RB1: variants seen among roughly 807,000 people sequenced by gnomAD.
The protein encoded by RB1 is RB transcriptional corepressor 1.
A neutral mutation model predicts 135.4 loss-of-function variants in RB1; 18 were observed. The observed-to-expected ratio is 0.13, with a 90% CI of 0.09 to 0.20. RB1 has a LOEUF of 0.20. Ranked by LOEUF, RB1 falls within the 10% of genes least tolerant of loss-of-function variation. RB1 has a pLI of 1.00. For synonymous variants in RB1, 365 were observed against 373.2 expected, an observed-to-expected ratio of 0.98 and a Z score of 0.25; for missense variants, 868 against 1,110.0, an observed-to-expected ratio of 0.78 and a Z score of 3.10.
chr13:48,395,663 G>A (rs1203175463), intron 17 of RB1, among the ~76,000 whole-genome samples: 6 of 152,128 alleles, frequency 3.9e-5, no homozygotes, highest in Middle Eastern at 3.4e-3. Context: ...GAAATAAAGC[G>A]TGATGACAAG....
intron 5 of RB1, among the ~76,000 whole-genome samples, chr13:48,348,179 A>G (rs1160907870): frequency 6.6e-6 from 1 of 151,998 alleles, no homozygotes; most frequent in Non-Finnish European, 1.5e-5. Context: ...CAGGCACTTT[A>G]TTAACTAATA....
At chr13:48,446,935 T>A (rs1005384841) in intron 17 of RB1, among the ~76,000 whole-genome samples, 1 of 152,162 alleles carries the variant, frequency 6.6e-6, no homozygotes, top group Non-Finnish European at 1.5e-5. Context: ...GAGTAACATA[T>A]TAGCTCTATG....
intron 13 of RB1, among the ~76,000 whole-genome samples, chr13:48,378,268 G>A (rs117959490): frequency 2.0e-4 from 31 of 152,102 alleles, no homozygotes; most frequent in Non-Finnish European, 4.4e-4. Flanking sequence ...ATAACACTTA[G>A]CTTAAAACAC....
intron 23 of RB1, among the ~76,000 whole-genome samples, chr13:48,466,061 T>C (rs1489318917): frequency 6.0e-5 from 9 of 151,036 alleles, no homozygotes; most frequent in Non-Finnish European, 1.3e-4. Flanking sequence ...CCACCACAGG[T>C]CAAGGAGGCC....
chr13:48,369,870 A>G (rs1185716674), intron 11 of RB1, among the ~76,000 whole-genome samples: 2 of 152,060 alleles, frequency 1.3e-5, no homozygotes, highest in Non-Finnish European at 2.9e-5. Context: ...TGATAGATTC[A>G]TTTGTGTTTG....
intron 12 of RB1, among the ~76,000 whole-genome samples, chr13:48,376,331 T>C (rs1447754660): frequency 6.6e-6 from 1 of 151,976 alleles, no homozygotes; most frequent in Non-Finnish European, 1.5e-5. Context: ...CAAAACCCCA[T>C]CTCTACTAAA....
chr13:48,333,293 A>T (rs1282322462), intron 2 of RB1: 2 of 372,076 alleles, frequency 5.4e-6, no homozygotes, highest in African/African-American at 4.2e-5. Flanking sequence ...GTTAATCCAT[A>T]TAATTGGATC....
At position 48,320,494 on chromosome 13, in the gene RB1, C is replaced by G. The variant is rs547345235; in HGVS notation, c.264+13088C>G. 20 of 679,564 alleles carry G rather than the reference C, an allele frequency of 2.9e-5. No homozygotes were observed. The South Asian group carries it at 3.4e-4, about 12-fold the overall frequency. The allele number at this position is 679,564 out of a possible 1,614,324, so 42.1% of individuals were successfully genotyped here. ...AAACATTCTAGCAGAAGGGGAGGGA[C>G]GCGCAGAGGGACGACGCTTTATTTC... On this transcript the variant is annotated intron_variant, in intron 2 of 26. Transcript: ENST00000267163.
intron 8 of RB1, 85 bp downstream of exon 8, chr13:48,363,042 T>C: frequency 6.6e-7 from 1 of 1,516,148 alleles, no homozygotes; most frequent in Non-Finnish European, 9.0e-7. Context: ...TCTTTTGTTA[T>C]GAGCATGTTT....
intron 5 of RB1, 83 bp from the exon 6 acceptor site, chr13:48,348,873 A>G (rs1204894112): frequency 4.0e-6 from 6 of 1,501,868 alleles, no homozygotes; most frequent in Non-Finnish European, 5.4e-6. Flanking sequence ...CACAAAAAGA[A>G]ACACCCAAAA....
At position 48,319,041 on chromosome 13, in the gene RB1, G is replaced by A. The variant is rs545322326; in HGVS notation, c.264+11635G>A. On this transcript the variant is annotated intron_variant, in intron 2 of 26. Transcript: ENST00000267163. This position sits in a 1 kb window ranked among gnomAD's most constrained non-coding sequence, Gnocchi z 5.0. ...GAAATGCCCAAGATTGCTTCCGCGC[G>A]CGTCAGTTCAGCGGACGTGTCTGCC... 7.8e-6 allele frequency: 5 copies of A among 644,310 alleles called. No individual in the cohort carries two copies. The highest frequency in any genetic ancestry group is 1.4e-5 in the Non-Finnish European group (5 of 348,424). The allele number at this position is 644,310 out of a possible 1,614,324, so 39.9% of individuals were successfully genotyped here. A position where few individuals can be genotyped will look rare whatever the true frequency, so the allele number is the denominator to read the frequency against.
chr13:48,477,385 G>T lies in RB1; in HGVS notation c.2694G>T (p.Gln898His), dbSNP rs757275103. Reference sequence around the variant, plus strand: ...ATCTCCCAGGAGAGTCCAAATTTCAGCAGAAACTGGCAGAAATGAGTAAGT... The same window carrying T: ...ATCTCCCAGGAGAGTCCAAATTTCATCAGAAACTGGCAGAAATGAGTAAGT... ...SKHLPGESKF[Q>H]QKLAEMTSTR... Residue 898 changes from glutamine (Q) to histidine (H), a missense_variant, in exon 26 of 27, where the codon CAG becomes CAT. This residue lies in a region of RB1 where 196 missense variants were observed against 239.8 expected (regional missense o/e 0.82). Transcript: ENST00000267163. 4.4e-6 allele frequency: 7 copies of T among 1,608,370 alleles called. No homozygotes were observed. In the South Asian group the frequency reaches 7.7e-5, roughly 18 times the overall value.
chr13:48,317,225 G>A (rs955167360), intron 2 of RB1: 34 of 425,166 alleles, frequency 8.0e-5, no homozygotes, highest in Non-Finnish European at 1.3e-4. Flanking sequence ...GCCCCCCTGG[G>A]AGACACCCTT....
Position 48,319,173 on chromosome 13 carries a change from C to T in RB1, c.264+11767C>T. Reference sequence around the variant, plus strand: ...TGGGGAATGGTCAGCGTCTAGGCACCCCGGGCAAGGGTCTGTGGCCTTGGT... The same window carrying T: ...TGGGGAATGGTCAGCGTCTAGGCACTCCGGGCAAGGGTCTGTGGCCTTGGT... On this transcript the variant is annotated intron_variant, in intron 2 of 26. Coordinates refer to ENST00000267163, the MANE Select transcript of RB1 (RefSeq NM_000321.3). The surrounding 1 kb of genome is among the most constrained non-coding windows in gnomAD (Gnocchi z 5.0). 1.6e-6 allele frequency: 1 copy of T among 622,758 alleles called. No individual in the cohort carries two copies. The highest frequency in any genetic ancestry group is 2.8e-6 in the Non-Finnish European group (1 of 358,494). The allele number at this position is 622,758 out of a possible 1,614,324, so 38.6% of individuals were successfully genotyped here. A position where few individuals can be genotyped will look rare whatever the true frequency, so the allele number is the denominator to read the frequency against.
intron 4 of RB1, among the ~76,000 whole-genome samples, chr13:48,346,914 T>A (rs958765338): frequency 2.1e-4 from 32 of 151,992 alleles, no homozygotes; most frequent in Admixed American, 7.2e-4. Context: ...CTTTAATGAG[T>A]ATTCTATACA....
At position 48,381,411 on chromosome 13, in the gene RB1, C is replaced by T. The variant is rs772222746; in HGVS notation, c.1663C>T (p.His555Tyr). The T allele has an allele frequency of 2.5e-6, 4 of 1,613,606 alleles. No individual in the cohort carries two copies. Among genetic ancestry groups the T allele is most frequent in the Admixed American group, 1.7e-5 (1 of 60,002 alleles). Residue 555 changes from histidine to tyrosine, a missense_variant, in exon 17 of 27, where the codon CAT becomes TAT. Around this residue, in one of 3 missense-constraint regions of RB1, gnomAD observed 641 missense variants for 791.3 expected, o/e 0.81. Coordinates refer to ENST00000267163, the MANE Select transcript of RB1 (RefSeq NM_000321.3). Reference protein sequence around the residue: ...EMIKHLERCEHRIMESLAWLS... With the variant: ...EMIKHLERCEYRIMESLAWLS... ...GATAAAACATTTAGAACGATGTGAA[C>T]ATCGAATCATGGAATCCCTTGCATG...
At chr13:48,387,642 A>G (rs924917897) in intron 17 of RB1, among the ~76,000 whole-genome samples, 4 of 152,188 alleles carry the variant, frequency 2.6e-5, no homozygotes, top group African/African-American at 7.2e-5. Context: ...TCAATTTTAT[A>G]ACACTTTTAT....
chr13:48,422,593 T>C (rs1949022959), intron 17 of RB1: 1 of 152,070 alleles, frequency 6.6e-6, no homozygotes, highest in African/African-American at 2.4e-5. Context: ...TGAAATATAG[T>C]GTATCAGCTT....
chr13:48,381,723 T>A (rs192683129), intron 17 of RB1, among the ~76,000 whole-genome samples: 113 of 152,270 alleles, frequency 7.4e-4, no homozygotes, highest in African/African-American at 2.7e-3. Flanking sequence ...TACTTTAAGT[T>A]CTAGGGTACA....
Sources: gnomAD v4.1 joint callset for allele counts (sites outside exome capture counted in the v4.1 genomes callset) on GRCh38, gnomAD v4.1.1 for gene constraint, gnomAD v4.1.1 regional missense constraint, Gnocchi (gnomAD v3.1) non-coding constraint, MANE v1.5 for transcripts, NCBI Gene and HGNC (gene_info 2026-07-23, HGNC 2026-07-21) for gene names.